Variants in PHACTR1 observed in about 807,000 individuals in gnomAD.
PHACTR1 encodes phosphatase and actin regulator 1.
PHACTR1 carries 16 observed loss-of-function variants against 69.2 expected under a neutral mutation model. The observed-to-expected ratio is 0.23, with a 90% CI of 0.16 to 0.35. The LOEUF (loss-of-function observed/expected upper bound fraction) is 0.35, where lower values mean the gene tolerates loss of function less well. Ranked by LOEUF, PHACTR1 falls within the 10% of genes least tolerant of loss-of-function variation. The pLI, the probability that PHACTR1 is intolerant of heterozygous loss-of-function variation, is 1.00. For missense variants in PHACTR1, 510 were observed against 734.7 expected (o/e 0.69, Z 3.54); for synonymous variants, 312 against 284.5 (o/e 1.10, Z -0.97).
At chr6:13,090,849 C>T (rs1466730908) in intron 5 of PHACTR1, among the ~76,000 whole-genome samples, 1 of 152,150 alleles carries the variant, frequency 6.6e-6, no homozygotes, top group Non-Finnish European at 1.5e-5. Context: ...TTTCTGCAGA[C>T]TGGGGGCAGC....
At chr6:13,190,654 C>T (rs1329546053) in intron 7 of PHACTR1, among the ~76,000 whole-genome samples, 1 of 151,992 alleles carries the variant, frequency 6.6e-6, no homozygotes. Flanking sequence ...AGGGGTAAAC[C>T]ACATGGGAAG....
intron 10 of PHACTR1, among the ~76,000 whole-genome samples, chr6:13,252,119 C>G (rs111665974): frequency 0.051 from 7,561 of 149,306 alleles, 329 homozygotes; most frequent in African/African-American, 0.11. Context: ...GCCCATAATC[C>G]CAGCACTTTG....
At chr6:13,032,896 C>G (rs1251244974) in intron 4 of PHACTR1, among the ~76,000 whole-genome samples, 1 of 152,116 alleles carries the variant, frequency 6.6e-6, no homozygotes, top group Non-Finnish European at 1.5e-5. Context: ...CTACTGTGCC[C>G]AGTGATATGA....
intron 5 of PHACTR1, among the ~76,000 whole-genome samples, chr6:13,109,679 G>A (rs1331782004): frequency 3.3e-5 from 5 of 151,972 alleles, no homozygotes; most frequent in Non-Finnish European, 1.5e-5. Flanking sequence ...TACTTACATA[G>A]TTTTTATCAA....
At chr6:13,208,512 G>A (rs919216562) in intron 8 of PHACTR1, among the ~76,000 whole-genome samples, 6 of 152,140 alleles carry the variant, frequency 3.9e-5, no homozygotes, top group African/African-American at 1.4e-4. Context: ...CACTACCCTA[G>A]GTAGTAAGTT....
At chr6:13,281,411 G>A (rs973307291) in intron 12 of PHACTR1, 12 of 305,040 alleles carry the variant, frequency 3.9e-5, no homozygotes, top group South Asian at 7.9e-5. Flanking sequence ...AAAATTAGCC[G>A]GACAAGGTGG....
intron 10 of PHACTR1, among the ~76,000 whole-genome samples, chr6:13,263,761 G>A (rs1197837644): frequency 1.3e-5 from 2 of 152,180 alleles, no homozygotes; most frequent in African/African-American, 4.8e-5. Context: ...CTGGCAAGGT[G>A]GGAGCAAAGG....
chr6:13,157,011 T>G (rs1180792355), intron 5 of PHACTR1, among the ~76,000 whole-genome samples: 2 of 152,226 alleles, frequency 1.3e-5, no homozygotes, highest in African/African-American at 4.8e-5. Context: ...ATGTTCATCT[T>G]TCATATTCTC....
chr6:12,911,070 C>T (rs1786327391), intron 4 of PHACTR1, among the ~76,000 whole-genome samples: 1 of 152,200 alleles, frequency 6.6e-6, no homozygotes, highest in South Asian at 2.1e-4. Flanking sequence ...CAATCACAAC[C>T]TCACAAACAG....
intron 4 of PHACTR1, among the ~76,000 whole-genome samples, chr6:13,022,881 G>A (rs1801173415): frequency 1.3e-5 from 2 of 152,070 alleles, no homozygotes; most frequent in Non-Finnish European, 2.9e-5. Context: ...GCCAGGTGTG[G>A]TGGTGCATGC....
At chr6:13,169,409 G>A (rs866352102) in intron 6 of PHACTR1, among the ~76,000 whole-genome samples, 7 of 152,248 alleles carry the variant, frequency 4.6e-5, no homozygotes, top group Middle Eastern at 3.4e-3. Flanking sequence ...TATACATCCT[G>A]TAGTCATGTA....
chr6:12,725,885 A>C (rs988583307), intron 3 of PHACTR1, among the ~76,000 whole-genome samples: 2 of 152,288 alleles, frequency 1.3e-5, no homozygotes, highest in East Asian at 3.9e-4. Context: ...TTTTTAAAAA[A>C]ATTTTTATAT....
chr6:13,113,234 T>C (rs1362646790), intron 5 of PHACTR1, among the ~76,000 whole-genome samples: 1 of 152,094 alleles, frequency 6.6e-6, no homozygotes, highest in African/African-American at 2.4e-5. Flanking sequence ...ATGAAATAAA[T>C]TTTTAGTAAA....
At position 13,248,132 on chromosome 6, in the gene PHACTR1, C is replaced by T. The variant is rs528386193; in HGVS notation, c.1391+17939C>T. Among the ~76,000 whole-genome samples the T allele has an allele frequency of 3.9e-5, 6 of 152,298 alleles. No individual in the cohort carries two copies. In the East Asian group the frequency reaches 9.6e-4, roughly 24 times the overall value. On this transcript the variant is annotated intron_variant, in intron 10 of 14. Transcript: ENST00000332995. ...ATCTCTGCTGAGCAGCCTTGGCCCT[C>T]GTTGTGGTGGTTCTCTGTCAAGTTT...
intron 11 of PHACTR1, among the ~76,000 whole-genome samples, chr6:13,277,036 G>C (rs191409024): frequency 1.4e-3 from 212 of 152,280 alleles, no homozygotes; most frequent in African/African-American, 4.9e-3. Flanking sequence ...GGCCTTCTTT[G>C]ATACAAGCTG....
chr6:13,086,032 G>C (rs1812216990), intron 5 of PHACTR1, among the ~76,000 whole-genome samples: 1 of 115,414 alleles, frequency 8.7e-6, no homozygotes, highest in African/African-American at 3.9e-5. Flanking sequence ...TCTAAATTGA[G>C]TAAAAATCTA....
At chr6:13,125,922 C>T (rs566207871) in intron 5 of PHACTR1, among the ~76,000 whole-genome samples, 3 of 151,756 alleles carry the variant, frequency 2.0e-5, no homozygotes, top group Admixed American at 2.0e-4. Flanking sequence ...AGGAGTGAGA[C>T]CCTGTCTCAA....
intron 12 of PHACTR1, chr6:13,279,188 T>A (rs1779624394): frequency 6.6e-6 from 1 of 152,188 alleles, no homozygotes. Context: ...TTTAATATAG[T>A]CTTAACCCCA....
rs565710249 is a variant in PHACTR1, at chr6:13,132,673, T to TA, written c.416-27529dup. Among the ~76,000 whole-genome samples the TA allele has an allele frequency of 3.3e-3, 502 of 152,176 alleles. 6 individuals are homozygous for TA. The highest frequency in any genetic ancestry group is 0.011 in the African/African-American group (472 of 41,488). On this transcript the variant is annotated intron_variant, in intron 5 of 14. Transcript: ENST00000332995. ...TATGTTTATGCTACACTGTAGCCAT[T>TA]AAGCATCATGTCCAAAAAACAATGT... is the stretch of plus-strand genomic sequence containing the variant.
Sources: gnomAD v4.1 joint callset for allele counts (sites outside exome capture counted in the v4.1 genomes callset) on GRCh38, gnomAD v4.1.1 for gene constraint, MANE v1.5 for transcripts, NCBI Gene and HGNC (gene_info 2026-07-23, HGNC 2026-07-21) for gene names.